Variants in IQSEC1 observed in about 807,000 individuals in gnomAD.
IQSEC1 encodes IQ motif and Sec7 domain ArfGEF 1.
IQSEC1 carries 31 observed loss-of-function variants against 91.0 expected under a neutral mutation model. The observed-to-expected ratio is 0.34, with a 90% confidence interval of 0.26 to 0.46. The LOEUF (loss-of-function observed/expected upper bound fraction) is 0.46, where lower values mean the gene tolerates loss of function less well. IQSEC1 is among the 20% of genes least tolerant of loss of function. The pLI is 1.00. For missense variants in IQSEC1, 1,388 were observed against 1,575.6 expected, an observed-to-expected ratio of 0.88 and a Z score of 2.02; for synonymous variants, 699 against 662.6, an observed-to-expected ratio of 1.05 and a Z score of -0.84.
At chr3:13,095,725 G>A (rs762166223) in intron 2 of IQSEC1, among the ~76,000 whole-genome samples, 17 of 152,140 alleles carry the variant, frequency 1.1e-4, no homozygotes, top group Admixed American at 1.0e-3. Flanking sequence ...CACGCCTGTC[G>A]GGACGGGCAA....
chr3:13,206,254 G>C (rs1283352065), intron 1 of IQSEC1, among the ~76,000 whole-genome samples: 1 of 145,914 alleles, frequency 6.9e-6, no homozygotes, highest in Non-Finnish European at 1.5e-5. Context: ...TATAGGGTGT[G>C]GCACTAACAG....
chr3:13,271,906 A>C (rs963345188), intron 1 of IQSEC1, among the ~76,000 whole-genome samples: 3 of 152,230 alleles, frequency 2.0e-5, no homozygotes, highest in Non-Finnish European at 2.9e-5. Flanking sequence ...CCAACAAGGA[A>C]ATATAAGACA....
chr3:13,274,315 G>A (rs181212517), intron 1 of IQSEC1, among the ~76,000 whole-genome samples: 8 of 152,290 alleles, frequency 5.3e-5, no homozygotes, highest in South Asian at 4.1e-4. Flanking sequence ...CCTTGTCCTC[G>A]CAGGGCCAGC....
chr3:13,005,462 G>A (rs1328224630), intron 1 of IQSEC1, among the ~76,000 whole-genome samples: 2 of 152,214 alleles, frequency 1.3e-5, no homozygotes, highest in Admixed American at 6.5e-5. Flanking sequence ...GGCCAAGGCT[G>A]AGTCTCTCAG....
At chr3:13,119,448 T>C (rs1398960379) in intron 2 of IQSEC1, among the ~76,000 whole-genome samples, 1 of 152,222 alleles carries the variant, frequency 6.6e-6, no homozygotes, top group Non-Finnish European at 1.5e-5. Flanking sequence ...TGCTGGATGG[T>C]ACTGAGCTGA....
chr3:13,214,121 C>G lies in IQSEC1; in HGVS notation c.273-49988G>C, dbSNP rs373160892. Among the ~76,000 whole-genome samples, 8 of 152,332 alleles carry G rather than the reference C, an allele frequency of 5.3e-5. No individual in the cohort carries two copies. In the East Asian group the frequency reaches 9.7e-4, roughly 18 times the overall value. On this transcript the variant is annotated intron_variant, in intron 1 of 15. Coordinates refer to the IQSEC1 transcript ENST00000648114. This position sits in a 1 kb window ranked among gnomAD's most constrained non-coding sequence, Gnocchi z 4.5. ...CCAGCCCCTCCTGGCCTTTGCTATACTGGTCTCTCTGCTCCAGTGTCATTC... is the reference window on the plus strand; with the variant it reads ...CCAGCCCCTCCTGGCCTTTGCTATAGTGGTCTCTCTGCTCCAGTGTCATTC...
At chr3:13,090,304 G>A (rs923401560) in intron 2 of IQSEC1, among the ~76,000 whole-genome samples, 68 of 152,162 alleles carry the variant, frequency 4.5e-4, no homozygotes, top group Admixed American at 4.0e-3. Context: ...CTGTTAGCAC[G>A]CTAGCTTCAT....
intron 1 of IQSEC1, among the ~76,000 whole-genome samples, chr3:13,280,944 C>T (rs1165872877): frequency 1.3e-5 from 2 of 152,248 alleles, no homozygotes; most frequent in Non-Finnish European, 2.9e-5. Flanking sequence ...CCCGGCTTCC[C>T]GGCCAAGGCG....
At chr3:12,950,478 G>C (rs1009558980) in intron 1 of IQSEC1, among the ~76,000 whole-genome samples, 4 of 152,096 alleles carry the variant, frequency 2.6e-5, no homozygotes, top group African/African-American at 7.2e-5. Context: ...ATCAGTTTGA[G>C]AAACGTAGCA....
In IQSEC1 at chr3:12,909,547, A is replaced by G. The variant is rs1695365301; in HGVS notation, c.2417-113T>C. 1.9e-6 allele frequency: 2 copies of G among 1,064,322 alleles called. No individual in the cohort carries two copies. The highest frequency in any genetic ancestry group is 2.3e-5 in the Admixed American group (1 of 44,382). The allele number at this position is 1,064,322 out of a possible 1,614,324, so 65.9% of individuals were successfully genotyped here. ...CTGAGTTGTGCGTGAGCCTGGGATA[A>G]GTGCCGGGAGTCCAGCCTCCGCAGT... On this transcript the variant is annotated intron_variant, in intron 10 of 13. Coordinates refer to ENST00000613206, the MANE Select transcript of IQSEC1 (RefSeq NM_001134382.3). This position sits in a 1 kb window ranked among gnomAD's most constrained non-coding sequence, Gnocchi z 4.9.
intron 2 of IQSEC1, among the ~76,000 whole-genome samples, chr3:13,117,233 A>G (rs1261939570): frequency 6.8e-6 from 1 of 146,180 alleles, no homozygotes; most frequent in Admixed American, 6.8e-5. Context: ...CAACATCACC[A>G]GTCATCAGAG....
rs117758490 is a variant in IQSEC1, at chr3:13,102,019, T to C, written c.303-54497A>G. 5.9e-4 allele frequency among the ~76,000 whole-genome samples: 90 copies of C among 152,246 alleles called. 2 individuals carry two copies. The East Asian group carries it at 0.013, about 21-fold the overall frequency. ...TTAATAAACTCTGCCCGCTCATGCC[T>C]GTAATCTCAGCACTTTGGGAGGCTG... On this transcript the variant is annotated intron_variant, in intron 2 of 15. Coordinates refer to the IQSEC1 transcript ENST00000648114.
chr3:13,022,394 C>T, intron 1 of IQSEC1: 1 of 1,118,268 alleles, frequency 8.9e-7, no homozygotes, highest in Non-Finnish European at 1.1e-6. Flanking sequence ...ACACACTAGA[C>T]CCTGTGGCTT....
At chr3:13,114,694 G>A (rs1706306923) in intron 2 of IQSEC1, among the ~76,000 whole-genome samples, 2 of 150,880 alleles carry the variant, frequency 1.3e-5, no homozygotes, top group Non-Finnish European at 2.9e-5. Context: ...TCAGGAGGCT[G>A]AGGCAGGAGA....
intron 1 of IQSEC1, among the ~76,000 whole-genome samples, chr3:13,265,042 C>A (rs974829443): frequency 4.6e-5 from 7 of 152,202 alleles, no homozygotes; most frequent in African/African-American, 1.7e-4. Context: ...CCCCTTCTCC[C>A]CCTGGAAAGC....
At chr3:12,949,722 C>T (rs532508410) in intron 1 of IQSEC1, among the ~76,000 whole-genome samples, 2 of 152,280 alleles carry the variant, frequency 1.3e-5, no homozygotes, top group Non-Finnish European at 2.9e-5. Flanking sequence ...CACCTCTATG[C>T]CCCCGTCTCG....
At chr3:13,267,952 C>G (rs933818784) in intron 1 of IQSEC1, among the ~76,000 whole-genome samples, 1 of 152,148 alleles carries the variant, frequency 6.6e-6, no homozygotes, top group African/African-American at 2.4e-5. Flanking sequence ...AAGGCTGTGC[C>G]CCCCCTTAAC....
At position 12,935,828 on chromosome 3, in the gene IQSEC1, G is replaced by A. The variant is rs139859163; in HGVS notation, c.1188C>T (p.Ser396=). ...SLKRQSAYER[S]LGGQQGSPKH... ...TGGGACTGCCCTGCTGCCCGCCAAG[G>A]CTGCGCTCGTAAGCACTCTGCCTCT... The change falls in exon 3 of 14, where the codon AGC becomes AGT. Residue 396 remains serine (S), a synonymous_variant. Transcript: ENST00000613206. This position sits in a 1 kb window ranked among gnomAD's most constrained non-coding sequence, Gnocchi z 8.0. The A allele has an allele frequency of 2.6e-5, 42 of 1,608,174 alleles. No individual in the cohort carries two copies. The highest frequency in any genetic ancestry group is 3.2e-5 in the Non-Finnish European group (38 of 1,179,896).
chr3:13,041,010 G>A (rs1036164228), intron 1 of IQSEC1, among the ~76,000 whole-genome samples: 1 of 152,148 alleles, frequency 6.6e-6, no homozygotes, highest in Non-Finnish European at 1.5e-5. Flanking sequence ...TCTCGAGACA[G>A]GAAAGACAGG....
Sources: allele counts gnomAD v4.1 joint callset (sites outside exome capture counted in the v4.1 genomes callset), GRCh38; gene constraint gnomAD v4.1.1; non-coding constraint Gnocchi (gnomAD v3.1); transcripts MANE v1.5; gene names NCBI Gene and HGNC (gene_info 2026-07-23, HGNC 2026-07-21).